The following ZKSCAN1 variants were observed in gnomAD, a reference collection of about 807,000 sequenced individuals.
The protein encoded by ZKSCAN1 is zinc finger with KRAB and SCAN domains 1.
A neutral mutation model predicts 51.6 loss-of-function variants in ZKSCAN1; 14 were observed. The ratio of observed to expected loss-of-function variants is 0.27; its 90% CI spans 0.18 to 0.42. ZKSCAN1 has a LOEUF of 0.42. ZKSCAN1 is among the 10% of genes least tolerant of loss of function. ZKSCAN1 has a pLI of 1.00. For synonymous variants in ZKSCAN1, 263 were observed against 261.5 expected, an observed-to-expected ratio of 1.01 and a Z score of -0.06; for missense variants, 531 against 710.0, an observed-to-expected ratio of 0.75 and a Z score of 2.86.
At chr7:100,044,484 G>A (rs1382529502), downstream of ZKSCAN1, among the ~76,000 whole-genome samples, 6 of 151,886 alleles carry the variant, frequency 4.0e-5, no homozygotes, top group East Asian at 1.9e-4. Context: ...TGGCTAACAC[G>A]GTGAAACTCC....
Position 100,035,760 on chromosome 7 carries a change from G to T in ZKSCAN1, c.*1563G>T. On this transcript the variant is annotated 3_prime_UTR_variant, in exon 6 of 6. Transcript: ENST00000324306. ...TTCTTATCACTAAAGACTGAGGTGA[G>T]GTTATGAAACTTTCATTGGTCCCAT... 1 of 818,882 alleles carries T rather than the reference G, an allele frequency of 1.2e-6. No individual in the cohort carries two copies. Among genetic ancestry groups the T allele is most frequent in the Non-Finnish European group, 1.5e-6 (1 of 678,050 alleles). The allele number at this position is 818,882 out of a possible 1,614,324, so 50.7% of individuals were successfully genotyped here.
chr7:100,031,856 C>T (rs968871003), intron 5 of ZKSCAN1, among the ~76,000 whole-genome samples: 5 of 152,154 alleles, frequency 3.3e-5, no homozygotes, highest in African/African-American at 7.2e-5. Context: ...GCAAGAGGAT[C>T]GCTTGAAGCC....
At chr7:100,032,584 G>A (rs1439244436) in intron 5 of ZKSCAN1, among the ~76,000 whole-genome samples, 1 of 152,186 alleles carries the variant, frequency 6.6e-6, no homozygotes, top group African/African-American at 2.4e-5. Context: ...AGTCAGGCCG[G>A]GTGCAGTGGC....
chr7:100,032,805 G>A (rs559568556), intron 5 of ZKSCAN1, among the ~76,000 whole-genome samples: 6 of 152,232 alleles, frequency 3.9e-5, no homozygotes, highest in African/African-American at 1.4e-4. Flanking sequence ...TCAGGAGATC[G>A]AGACTATCCT....
Position 100,023,705 on chromosome 7 carries a change from A to G in ZKSCAN1, c.199A>G (p.Thr67Ala), listed in dbSNP as rs1299113662. 6.2e-7 allele frequency: 1 copy of G among 1,614,064 alleles called. No homozygotes were observed. The highest frequency in any genetic ancestry group is 8.5e-7 in the Non-Finnish European group (1 of 1,180,034). ...QRFRRFCYQN[T>A]FGPREALSRL... ...CTTCAGGCGCTTCTGTTACCAGAAC[A>G]CTTTTGGGCCCCGAGAGGCTCTCAG... The change falls in exon 2 of 6, where the codon ACT (threonine) becomes GCT (alanine). Residue 67 changes from threonine to alanine, a missense_variant. Coordinates refer to ENST00000324306, the MANE Select transcript of ZKSCAN1 (RefSeq NM_003439.4).
Position 100,020,798 on chromosome 7 carries a change from C to T in ZKSCAN1, c.-88-2621C>T, listed in dbSNP as rs200124501. 9.9e-5 allele frequency among the ~76,000 whole-genome samples: 15 copies of T among 152,220 alleles called. No homozygotes were observed. The East Asian group carries it at 1.5e-3, about 16-fold the overall frequency. Reference sequence around the variant, plus strand: ...CTCGGTTTAACCCATCATGATAAAGCAGTTTAATGGTCTGTTTCTAAAACT... The same window carrying T: ...CTCGGTTTAACCCATCATGATAAAGTAGTTTAATGGTCTGTTTCTAAAACT... On this transcript the variant is annotated intron_variant, in intron 1 of 5. Transcript: ENST00000324306.
rs1358796310 is a variant in ZKSCAN1, at chr7:100,036,899, T to G, written c.*2702T>G. ...CTCAGCCATCACTTTTGAGTTTTGT[T>G]TTTAAATGAAGGTTAAATGTGACCT... On this transcript the variant is annotated 3_prime_UTR_variant, in exon 6 of 6. Transcript: ENST00000324306. The G allele has an allele frequency of 6.1e-6, 6 of 985,326 alleles. No homozygotes were observed. Among genetic ancestry groups the G allele is most frequent in the Non-Finnish European group, 7.2e-6 (6 of 829,898 alleles). 61.0% of individuals were successfully genotyped at this position (985,326 alleles called of 1,614,324 possible).
chr7:100,024,469 C>A, intron 3 of ZKSCAN1, 162 bp downstream of exon 3: 2 of 887,816 alleles, frequency 2.3e-6, no homozygotes, highest in Non-Finnish European at 3.3e-6. Context: ...TGGCGCACAC[C>A]TGTGATTCCA....
Position 100,033,692 on chromosome 7 carries a change from A to C in ZKSCAN1, c.1187A>C (p.Lys396Thr). 5.6e-6 allele frequency: 9 copies of C among 1,614,232 alleles called. No homozygotes were observed. The highest frequency in any genetic ancestry group is 7.6e-6 in the Non-Finnish European group (9 of 1,180,044). The change falls in exon 6 of 6, where the codon AAA becomes ACA. Residue 396 changes from lysine (K) to threonine (T), a missense_variant. Transcript: ENST00000324306. The surrounding 1 kb of genome is among the most constrained non-coding windows in gnomAD (Gnocchi z 4.1). The part of the protein sequence containing the change: ...FTRSSSLIRH[K>T]IIHTGEKPYE... ...AGAAGTTCAAGCCTTATCCGCCATA[A>C]AATAATCCACACTGGAGAAAAGCCC...
At position 100,039,534 on chromosome 7, in the gene ZKSCAN1, G is replaced by T. The variant is rs554308421; in HGVS notation, c.*5337G>T. ...TTGTGATTATTAGGAGAGAGGTTTT[G>T]CAAAGACTCGTTGCTGTGAAAGAAT... is the stretch of plus-strand genomic sequence containing the variant. On this transcript the variant is annotated 3_prime_UTR_variant, in exon 6 of 6. Transcript: ENST00000324306. 3.0e-6 allele frequency: 3 copies of T among 985,340 alleles called. No homozygotes were observed. The highest frequency in any genetic ancestry group is 3.6e-6 in the Non-Finnish European group (3 of 829,924). The allele number at this position is 985,340 out of a possible 1,614,324, so 61.0% of individuals were successfully genotyped here. A position where few individuals can be genotyped will look rare whatever the true frequency, so the allele number is the denominator to read the frequency against.
chr7:100,025,318 C>CAAA (rs35796352), intron 3 of ZKSCAN1, among the ~76,000 whole-genome samples: 34,569 of 103,210 alleles, frequency 0.33, 4,358 homozygotes, highest in East Asian at 0.41. Flanking sequence ...AGTCTGTTTC[C>CAAA]AAAAAAAAAA....
intron 1 of ZKSCAN1, among the ~76,000 whole-genome samples, chr7:100,019,706 T>C (rs987708894): frequency 6.6e-5 from 10 of 152,176 alleles, no homozygotes; most frequent in South Asian, 4.1e-4. Context: ...TCAGTTCTTC[T>C]TTTGTTTTTT....
At position 100,039,487 on chromosome 7, in the gene ZKSCAN1, C is replaced by T; in HGVS notation, c.*5290C>T. 1 of 985,380 alleles carries T rather than the reference C, an allele frequency of 1.0e-6. No homozygotes were observed. Among genetic ancestry groups the T allele is most frequent in the Non-Finnish European group, 1.2e-6 (1 of 829,914 alleles). The allele number at this position is 985,380 out of a possible 1,614,324, so 61.0% of individuals were successfully genotyped here. ...TTTGGCTGTGTTCCTGTGTTCCCTG[C>T]TCCCACTTTTCTTCCCCTGGTTTGT... On this transcript the variant is annotated 3_prime_UTR_variant, in exon 6 of 6. Transcript: ENST00000324306.
chr7:100,032,641 A>G (rs1791157410), intron 5 of ZKSCAN1, among the ~76,000 whole-genome samples: 1 of 152,132 alleles, frequency 6.6e-6, no homozygotes, highest in African/African-American at 2.4e-5. Flanking sequence ...CAGGTGGATC[A>G]CCTGAGGTCA....
downstream of ZKSCAN1, among the ~76,000 whole-genome samples, chr7:100,042,212 G>A (rs1046377022): frequency 1.3e-4 from 19 of 151,742 alleles, no homozygotes; most frequent in African/African-American, 3.9e-4. Flanking sequence ...CCAGCTACTC[G>A]GGAGGCTGAG....
chr7:100,039,329 A>G lies in ZKSCAN1; in HGVS notation c.*5132A>G. 2.1e-5 allele frequency: 21 copies of G among 985,040 alleles called. No homozygotes were observed. The highest frequency in any genetic ancestry group is 2.5e-5 in the Non-Finnish European group (21 of 829,942). 61.0% of individuals were successfully genotyped at this position (985,040 alleles called of 1,614,324 possible). A position where few individuals can be genotyped will look rare whatever the true frequency, so the allele number is the denominator to read the frequency against. On this transcript the variant is annotated 3_prime_UTR_variant, in exon 6 of 6. Coordinates refer to ENST00000324306, the MANE Select transcript of ZKSCAN1 (RefSeq NM_003439.4). ...TCTCAAAAAAAGAAAAAAAAAAAAGAAAGAAAGAAAGAAAATTGGGGATAG... is the reference window on the plus strand; with the variant it reads ...TCTCAAAAAAAGAAAAAAAAAAAAGGAAGAAAGAAAGAAAATTGGGGATAG...
At chr7:100,021,266 G>A (rs1186212692) in intron 1 of ZKSCAN1, among the ~76,000 whole-genome samples, 1 of 151,484 alleles carries the variant, frequency 6.6e-6, no homozygotes, top group African/African-American at 2.4e-5. Flanking sequence ...GATTACAGGC[G>A]CCTGCTACCA....
intron 1 of ZKSCAN1, among the ~76,000 whole-genome samples, chr7:100,021,737 T>TC (rs1407075530): frequency 1.2e-4 from 18 of 150,320 alleles, no homozygotes; most frequent in African/African-American, 1.7e-4. Context: ...TCTATAAGAA[T>TC]CTTTTTTTTT....
intron 1 of ZKSCAN1, chr7:100,016,981 G>T (rs1584323176): frequency 1.3e-5 from 2 of 152,080 alleles, no homozygotes; most frequent in East Asian, 3.8e-4. Context: ...ATTATTTCAG[G>T]CAGTTTTCAC....
Sources: allele counts gnomAD v4.1 joint callset (sites outside exome capture counted in the v4.1 genomes callset), GRCh38; gene constraint gnomAD v4.1.1; non-coding constraint Gnocchi (gnomAD v3.1); transcripts MANE v1.5; gene names NCBI Gene and HGNC (gene_info 2026-07-23, HGNC 2026-07-21).